The following ERICH5 variants were observed in gnomAD, a reference collection of about 807,000 sequenced individuals.
ERICH5 encodes glutamate rich 5.
In ERICH5, 24 loss-of-function variants were observed where a neutral mutation model predicts 28.0. The observed-to-expected ratio is 0.86, with a 90% CI of 0.62 to 1.21. The LOEUF is 1.21. ERICH5 is among the 50% of genes most tolerant of loss of function. The pLI is 0.00. For synonymous variants in ERICH5, 163 were observed against 157.6 expected, an observed-to-expected ratio of 1.03 and a Z score of -0.25; for missense variants, 421 against 441.2, an observed-to-expected ratio of 0.95 and a Z score of 0.41.
At chr8:98,087,167 C>T (rs62523603) in intron 1 of ERICH5, among the ~76,000 whole-genome samples, 4,203 of 151,962 alleles carry the variant, frequency 0.028, 89 homozygotes, top group Middle Eastern at 0.065. Context: ...ACTCGAACCA[C>T]GTGGGACCAC....
intron 1 of ERICH5, among the ~76,000 whole-genome samples, chr8:98,084,388 T>C (rs1815235878): frequency 6.6e-6 from 1 of 152,066 alleles, no homozygotes; most frequent in South Asian, 2.1e-4. Context: ...AGTATTTTGT[T>C]TGTTTGTTTT....
rs1422844620 is a variant in ERICH5, at chr8:98,091,929, CT to C, written c.1013-1289del. ...TCTTTCTTTCTTTCTTCCTTTCTTT[CT>C]TTCTTCCTTTCTTTCTTTCTTCTTT... On this transcript the variant is annotated intron_variant, in intron 2 of 2. Transcript: ENST00000318528. Among the ~76,000 whole-genome samples, 47 of 54,450 alleles carry C rather than the reference CT, an allele frequency of 8.6e-4. 3 individuals are homozygous for C. The highest frequency in any genetic ancestry group is 3.0e-3 in the African/African-American group (41 of 13,730). 35.7% of individuals were successfully genotyped at this position (54,450 alleles called of 152,430 possible). A position where few individuals can be genotyped will look rare whatever the true frequency, so the allele number is the denominator to read the frequency against.
At chr8:98,091,905 CTTTCTTT>C (rs1563759603) in intron 2 of ERICH5, among the ~76,000 whole-genome samples, 30 of 82,706 alleles carry the variant, frequency 3.6e-4, no homozygotes, top group African/African-American at 1.5e-3. Context: ...TCTTTCCTTT[CTTTCTTT>C]CTTTCTTCCT....
chr8:98,074,214 AAG>A (rs1443625705), intron 1 of ERICH5, among the ~76,000 whole-genome samples: 1 of 152,000 alleles, frequency 6.6e-6, no homozygotes, highest in Non-Finnish European at 1.5e-5. Context: ...CTTTTTAAAA[AAG>A]TAAATTTATT....
Position 98,093,299 on chromosome 8 carries a change from CAGG to C in ERICH5, c.1094_1096del (p.Gly365del), listed in dbSNP as rs1563760216. On this transcript the variant is annotated inframe_deletion, in exon 3 of 3. Transcript: ENST00000318528. ...GGGGCTGAAACCAAAGAAGAAGAAA[CAGG>C]AGAAGTGGTGGACCTTTCAGCAGCC... 5 of 1,613,530 alleles carry C rather than the reference CAGG, an allele frequency of 3.1e-6. No individual in the cohort carries two copies. Among genetic ancestry groups the C allele is most frequent in the Admixed American group, 3.3e-5 (2 of 59,974 alleles).
intron 1 of ERICH5, among the ~76,000 whole-genome samples, chr8:98,079,874 A>G (rs1815143679): frequency 6.6e-6 from 1 of 152,164 alleles, no homozygotes; most frequent in Non-Finnish European, 1.5e-5. Context: ...CATGTTTTAA[A>G]CTGTACCATG....
intron 1 of ERICH5, among the ~76,000 whole-genome samples, chr8:98,084,521 C>T (rs2130527399): frequency 6.6e-6 from 1 of 152,218 alleles, no homozygotes; most frequent in East Asian, 1.9e-4. Context: ...GCTGGGATTA[C>T]AGGTGCATGC....
intron 1 of ERICH5, among the ~76,000 whole-genome samples, chr8:98,067,481 G>A (rs1296963865): frequency 4.6e-5 from 7 of 150,782 alleles, no homozygotes; most frequent in African/African-American, 1.7e-4. Flanking sequence ...GAAACTATAT[G>A]TTTAAACCAG....
chr8:98,067,561 C>A (rs892751992), intron 1 of ERICH5, among the ~76,000 whole-genome samples: 6 of 151,958 alleles, frequency 3.9e-5, no homozygotes, highest in African/African-American at 1.2e-4. Flanking sequence ...TGTGTGGTCA[C>A]CCACTATCTA....
chr8:98,067,511 A>T (rs7007219), intron 1 of ERICH5, among the ~76,000 whole-genome samples: 1 of 151,946 alleles, frequency 6.6e-6, no homozygotes, highest in African/African-American at 2.4e-5. Context: ...ACTAGATTTA[A>T]ATCTGTTTTT....
rs1203213059 is a variant in ERICH5 at position 98,090,008 on chromosome 8, G to A, written c.991G>A (p.Glu331Lys). The A allele has an allele frequency of 6.2e-7, 1 of 1,612,434 alleles. No individual in the cohort carries two copies. Among genetic ancestry groups the A allele is most frequent in the Admixed American group, 1.7e-5 (1 of 59,900 alleles). The part of the protein sequence containing the change: ...VEMIRNIHTN[E>K]EDQRIEGETG... ...AATGATCAGGAACATCCATACTAAT[G>A]AAGAGGACCAACGCATTGAAGGTAA... The change falls in exon 2 of 3, where the codon GAA becomes AAA. Residue 331 changes from glutamate (E) to lysine (K), a missense_variant. Glu to Lys is a moderately conservative substitution (Grantham distance 56). Coordinates refer to ENST00000318528, the MANE Select transcript of ERICH5 (RefSeq NM_173549.3).
At chr8:98,079,699 C>G (rs190609066) in intron 1 of ERICH5, among the ~76,000 whole-genome samples, 1 of 152,070 alleles carries the variant, frequency 6.6e-6, no homozygotes, top group African/African-American at 2.4e-5. Flanking sequence ...ACCACCAGCC[C>G]GGCTAATTTT....
chr8:98,092,869 G>A (rs781216747), intron 2 of ERICH5, among the ~76,000 whole-genome samples: 1 of 150,272 alleles, frequency 6.7e-6, no homozygotes, highest in Non-Finnish European at 1.5e-5. Flanking sequence ...TCTGCCTCCC[G>A]GCTTCAAGTG....
At chr8:98,087,509 A>G (rs1208808863) in intron 1 of ERICH5, among the ~76,000 whole-genome samples, 2 of 152,098 alleles carry the variant, frequency 1.3e-5, no homozygotes, top group African/African-American at 4.8e-5. Context: ...TCTTTGGGGG[A>G]AAAAAGATGA....
intron 1 of ERICH5, among the ~76,000 whole-genome samples, chr8:98,087,748 T>G (rs940012160): frequency 2.6e-5 from 4 of 152,232 alleles, no homozygotes; most frequent in African/African-American, 9.6e-5. Flanking sequence ...TTACTTTATT[T>G]GATCAACCTA....
chr8:98,091,838 TTC>T (rs201739315), intron 2 of ERICH5, among the ~76,000 whole-genome samples: 85 of 52,062 alleles, frequency 1.6e-3, no homozygotes, highest in African/African-American at 2.8e-3. Flanking sequence ...CTTTTTCTTT[TTC>T]TTTCTTTCTT....
chr8:98,066,865 C>G (rs565825129), intron 1 of ERICH5, among the ~76,000 whole-genome samples: 124 of 152,306 alleles, frequency 8.1e-4, no homozygotes, highest in African/African-American at 2.8e-3. Flanking sequence ...TTCTTTAAAT[C>G]CTATATACAA....
chr8:98,076,558 C>A (rs907701065), intron 1 of ERICH5, among the ~76,000 whole-genome samples: 1 of 152,124 alleles, frequency 6.6e-6, no homozygotes, highest in African/African-American at 2.4e-5. Context: ...CTTATATTAT[C>A]TTTCATGCTG....
chr8:98,089,814 TAACAC>T lies in ERICH5; in HGVS notation c.798_802del (p.Thr267ArgfsTer16), dbSNP rs1344347589. 1 of 1,614,028 alleles carries T rather than the reference TAACAC, an allele frequency of 6.2e-7. No individual in the cohort carries two copies. The highest frequency in any genetic ancestry group is 8.5e-7 in the Non-Finnish European group (1 of 1,180,016). On this transcript the variant is annotated frameshift_variant, in exon 2 of 3. Coordinates refer to ENST00000318528, the MANE Select transcript of ERICH5 (RefSeq NM_173549.3). LOFTEE classifies it high-confidence loss of function. ...CTAGAAAGAATTCCCAAAGAGAATG[TAACAC>T]CAGAAGTATTGGACAGAAGTCAGCT...
Sources: allele counts gnomAD v4.1 joint callset (sites outside exome capture counted in the v4.1 genomes callset), GRCh38; gene constraint gnomAD v4.1.1; transcripts MANE v1.5; gene names NCBI Gene and HGNC (gene_info 2026-07-23, HGNC 2026-07-21).